Variants in UNC13C observed in about 807,000 individuals in gnomAD.
UNC13C encodes unc-13 homolog C.
A neutral mutation model predicts 245.4 loss-of-function variants in UNC13C; 174 were observed. The observed-to-expected ratio is 0.71, with a 90% CI of 0.63 to 0.80. UNC13C has a LOEUF of 0.80. UNC13C is among the 30% of genes least tolerant of loss of function. The pLI, the probability that UNC13C is intolerant of heterozygous loss-of-function variation, is 0.00. For missense variants in UNC13C, 2,829 were observed against 2,602.9 expected (o/e 1.09, Z -1.89); for synonymous variants, 992 against 895.1 (o/e 1.11, Z -1.93).
rs548735286 is a variant in UNC13C, at chr15:54,523,022, G to A, written c.5458-2527G>A. Among the ~76,000 whole-genome samples, 8 of 152,144 alleles carry A rather than the reference G, an allele frequency of 5.3e-5. No homozygotes were observed. The South Asian group carries it at 1.5e-3, about 28-fold the overall frequency. On this transcript the variant is annotated intron_variant, in intron 24 of 32. Transcript: ENST00000260323. The stretch of plus-strand genomic sequence containing the variant: ...GCTTTAAACCTTTGAAAAAATATTA[G>A]ATTGCCTTTTACCTTTACAAGGTAC...
chr15:54,455,270 T>G (rs974377002), intron 19 of UNC13C, among the ~76,000 whole-genome samples: 1 of 141,106 alleles, frequency 7.1e-6, no homozygotes, highest in Non-Finnish European at 1.5e-5. Flanking sequence ...TAGATGGGCA[T>G]TTAGGCTGGT....
At chr15:54,305,987 A>G (rs150991651) in intron 13 of UNC13C, among the ~76,000 whole-genome samples, 2 of 152,076 alleles carry the variant, frequency 1.3e-5, no homozygotes, top group African/African-American at 4.8e-5. Context: ...TTCTTTGAAG[A>G]TGGATTTGGA....
At chr15:53,937,918 A>G in the UNC13C span, among the ~76,000 whole-genome samples, 1 of 152,224 alleles carries the variant, frequency 6.6e-6, no homozygotes, top group African/African-American at 2.4e-5. Context: ...ATTACCAGCC[A>G]CTACAAAAAC....
chr15:53,871,760 T>C, the UNC13C span, among the ~76,000 whole-genome samples: 1 of 152,322 alleles, frequency 6.6e-6, no homozygotes, highest in Admixed American at 6.5e-5. Context: ...GGTTTCTTCA[T>C]GCTCGCCTAG....
intron 29 of UNC13C, among the ~76,000 whole-genome samples, chr15:54,558,131 T>C (rs780609215): frequency 2.0e-5 from 3 of 152,040 alleles, no homozygotes; most frequent in Non-Finnish European, 2.9e-5. Flanking sequence ...AGGGATAGCA[T>C]TGGGAGATAT....
At chr15:54,505,393 C>T (rs1449940171) in intron 22 of UNC13C, among the ~76,000 whole-genome samples, 6 of 152,176 alleles carry the variant, frequency 3.9e-5, no homozygotes, top group Non-Finnish European at 8.8e-5. Context: ...CTTGTTAAAA[C>T]CCAGACAGCT....
At chr15:54,067,491 A>G (rs1171189233) in intron 2 of UNC13C, among the ~76,000 whole-genome samples, 1 of 152,226 alleles carries the variant, frequency 6.6e-6, no homozygotes, top group Non-Finnish European at 1.5e-5. Context: ...TCAATAAGTC[A>G]TGCTGTGACA....
chr15:53,909,265 G>T, the UNC13C span, among the ~76,000 whole-genome samples: 1 of 146,292 alleles, frequency 6.8e-6, no homozygotes, highest in Non-Finnish European at 1.5e-5. Context: ...GCACTTTTCT[G>T]CACTGTGCTT....
At chr15:53,841,502 G>A in the UNC13C span, among the ~76,000 whole-genome samples, 3 of 151,858 alleles carry the variant, frequency 2.0e-5, no homozygotes, top group Non-Finnish European at 4.4e-5. Flanking sequence ...AAATCTGCCG[G>A]CAACTAATAG....
chr15:53,991,422 T>C (rs1165323665), intron 1 of UNC13C, among the ~76,000 whole-genome samples: 1 of 151,982 alleles, frequency 6.6e-6, no homozygotes, highest in Non-Finnish European at 1.5e-5. Flanking sequence ...GCAGAAAAAG[T>C]CCAATGTGAT....
chr15:53,997,169 T>C (rs1311035713), intron 1 of UNC13C, among the ~76,000 whole-genome samples: 1 of 152,226 alleles, frequency 6.6e-6, no homozygotes, highest in African/African-American at 2.4e-5. Flanking sequence ...TAATTAATGC[T>C]GTAGAGTACA....
At chr15:54,075,381 A>G (rs1898545013) in intron 2 of UNC13C, among the ~76,000 whole-genome samples, 1 of 151,840 alleles carries the variant, frequency 6.6e-6, no homozygotes, top group African/African-American at 2.4e-5. Flanking sequence ...GCCACTCGGG[A>G]GGCTGAGTCA....
At chr15:53,884,190 A>G in the UNC13C span, among the ~76,000 whole-genome samples, 1 of 152,176 alleles carries the variant, frequency 6.6e-6, no homozygotes. Context: ...TTATCTTTCA[A>G]ATGGGAAACT....
intron 18 of UNC13C, among the ~76,000 whole-genome samples, chr15:54,402,562 T>C (rs1403672258): frequency 6.6e-6 from 1 of 152,138 alleles, no homozygotes; most frequent in African/African-American, 2.4e-5. Context: ...ATAAATATCA[T>C]AATCATTATA....
At chr15:54,196,344 GAAA>G (rs571131122) in intron 4 of UNC13C, among the ~76,000 whole-genome samples, 2 of 136,026 alleles carry the variant, frequency 1.5e-5, no homozygotes, top group Non-Finnish European at 3.2e-5. Flanking sequence ...GGCTACTGGA[GAAA>G]AAAAAAAAAA....
intron 10 of UNC13C, among the ~76,000 whole-genome samples, chr15:54,267,968 T>C (rs1269792199): frequency 6.6e-6 from 1 of 151,964 alleles, no homozygotes; most frequent in African/African-American, 2.4e-5. Context: ...AAATTTTACT[T>C]TAAGTTCTGG....
At chr15:54,168,134 G>T (rs2414264) in intron 4 of UNC13C, among the ~76,000 whole-genome samples, 4,095 of 152,140 alleles carry the variant, frequency 0.027, 197 homozygotes, top group African/African-American at 0.092. Context: ...TTAAGCATTT[G>T]TTCAATTTTG....
At chr15:54,353,956 C>G (rs1330373001) in intron 17 of UNC13C, among the ~76,000 whole-genome samples, 1 of 152,186 alleles carries the variant, frequency 6.6e-6, no homozygotes, top group Non-Finnish European at 1.5e-5. Flanking sequence ...TGCTTTGATT[C>G]TGGAAACAGC....
At chr15:54,279,363 A>G (rs567902270) in intron 10 of UNC13C, among the ~76,000 whole-genome samples, 4 of 152,346 alleles carry the variant, frequency 2.6e-5, no homozygotes, top group South Asian at 2.1e-4. Flanking sequence ...ACATTTCTCC[A>G]GCAGTTCCTT....
Sources: allele counts gnomAD v4.1 joint callset (sites outside exome capture counted in the v4.1 genomes callset), GRCh38; gene constraint gnomAD v4.1.1; transcripts MANE v1.5; gene names NCBI Gene and HGNC (gene_info 2026-07-23, HGNC 2026-07-21).